The following SPATA17 variants were observed in gnomAD, a reference collection of about 807,000 sequenced individuals.
The protein encoded by SPATA17 is spermatogenesis associated 17.
SPATA17 carries 53 observed loss-of-function variants against 62.2 expected under a neutral mutation model. The observed-to-expected ratio is 0.85, with a 90% CI of 0.68 to 1.07. The LOEUF (loss-of-function observed/expected upper bound fraction) is 1.07, where lower values mean the gene tolerates loss of function less well. Among genes scored for constraint, SPATA17 ranks in the 50% least tolerant of loss-of-function variants. SPATA17 has a pLI of 0.00. For missense variants in SPATA17, 466 were observed against 425.5 expected (o/e 1.10, Z -0.84); for synonymous variants, 146 against 146.8 (o/e 0.99, Z 0.04).
chr1:217,639,095 T>C (rs1670000802), intron 1 of SPATA17, among the ~76,000 whole-genome samples: 1 of 152,096 alleles, frequency 6.6e-6, no homozygotes, highest in Non-Finnish European at 1.5e-5. Flanking sequence ...TGGCTTAGAA[T>C]AGAAAGGATT....
intron 9 of SPATA17, among the ~76,000 whole-genome samples, chr1:217,855,019 C>A (rs1675749044): frequency 6.6e-6 from 1 of 152,190 alleles, no homozygotes; most frequent in African/African-American, 2.4e-5. Flanking sequence ...CCTTCTTGAG[C>A]ATTTTCTTGC....
chr1:217,740,241 A>G (rs956748473), intron 5 of SPATA17, among the ~76,000 whole-genome samples: 10 of 151,568 alleles, frequency 6.6e-5, no homozygotes, highest in African/African-American at 2.4e-4. Context: ...TTTTATTTTT[A>G]TGATTGCTTA....
At chr1:217,864,770 C>CA (rs569381243) in intron 10 of SPATA17, among the ~76,000 whole-genome samples, 49 of 152,096 alleles carry the variant, frequency 3.2e-4, no homozygotes, top group African/African-American at 1.1e-3. Context: ...CTATCAATTA[C>CA]AAAAACATCT....
At chr1:217,792,683 A>G (rs1361422985) in intron 8 of SPATA17, among the ~76,000 whole-genome samples, 1 of 152,202 alleles carries the variant, frequency 6.6e-6, no homozygotes, top group Non-Finnish European at 1.5e-5. Flanking sequence ...TTGGAACAAA[A>G]TAGACAATAA....
chr1:217,748,095 A>G (rs142931276), intron 6 of SPATA17, among the ~76,000 whole-genome samples: 4,684 of 151,774 alleles, frequency 0.031, 104 homozygotes, highest in Middle Eastern at 0.058. Flanking sequence ...CGAGGTCAGG[A>G]AATCGAGATA....
intron 1 of SPATA17, among the ~76,000 whole-genome samples, chr1:217,645,747 G>T (rs895113124): frequency 6.6e-6 from 1 of 152,032 alleles, no homozygotes; most frequent in African/African-American, 2.4e-5. Context: ...GGCCATTAAT[G>T]ACAGTGTCTT....
chr1:217,786,750 T>TTTCTTCTTCTTCTTCTTCTTCTTC (rs35648538), intron 8 of SPATA17, among the ~76,000 whole-genome samples: 1,939 of 107,362 alleles, frequency 0.018, 73 homozygotes, highest in East Asian at 0.022. Context: ...TGATATTCTC[T>TTTCTTCTTCTTCTTCTTCTTCTTC]TTCTTCTTCT....
intron 5 of SPATA17, among the ~76,000 whole-genome samples, chr1:217,724,682 GTTTC>G (rs1179219620): frequency 6.6e-6 from 1 of 151,922 alleles, no homozygotes; most frequent in African/African-American, 2.4e-5. Context: ...AAAAATTCCT[GTTTC>G]TTTATACTTT....
chr1:217,713,089 G>A (rs918590629), intron 5 of SPATA17, among the ~76,000 whole-genome samples: 5 of 152,082 alleles, frequency 3.3e-5, no homozygotes, highest in Admixed American at 6.5e-5. Context: ...AACCAGCCAC[G>A]GTGATACAAT....
intron 4 of SPATA17, among the ~76,000 whole-genome samples, chr1:217,682,499 T>C (rs1187672530): frequency 1.3e-5 from 2 of 152,218 alleles, no homozygotes; most frequent in African/African-American, 2.4e-5. Flanking sequence ...ATCACAGTTC[T>C]CTTTGTTCCC....
chr1:217,781,900 T>C (rs1673735109), intron 7 of SPATA17, among the ~76,000 whole-genome samples: 1 of 152,138 alleles, frequency 6.6e-6, no homozygotes, highest in Non-Finnish European at 1.5e-5. Context: ...TATAACAAGT[T>C]TATCAGTTAT....
At chr1:217,655,780 C>T (rs1418787378) in intron 3 of SPATA17, among the ~76,000 whole-genome samples, 9 of 152,188 alleles carry the variant, frequency 5.9e-5, no homozygotes, top group African/African-American at 9.6e-5. Flanking sequence ...AATAGTCCTT[C>T]GTTTTCTCAC....
intron 3 of SPATA17, among the ~76,000 whole-genome samples, chr1:217,663,632 G>T (rs933704160): frequency 3.9e-5 from 6 of 152,046 alleles, no homozygotes; most frequent in African/African-American, 1.4e-4. Context: ...CATCAGATCT[G>T]TTATCCATTG....
intron 6 of SPATA17, among the ~76,000 whole-genome samples, chr1:217,770,263 A>C (rs1319381270): frequency 2.6e-5 from 4 of 152,224 alleles, no homozygotes; most frequent in African/African-American, 9.6e-5. Flanking sequence ...ATCAAGAGGC[A>C]AGAAAATAGT....
chr1:217,776,676 TAAAAA>T (rs59177848), intron 7 of SPATA17, among the ~76,000 whole-genome samples: 8 of 119,146 alleles, frequency 6.7e-5, no homozygotes, highest in Non-Finnish European at 1.4e-4. Flanking sequence ...CTGTCTCTAT[TAAAAA>T]AAAAAAAAAA....
At chr1:217,683,417 G>A in intron 5 of SPATA17, 56 bp downstream of exon 5, 1 of 1,113,074 alleles carries the variant, frequency 9.0e-7, no homozygotes, top group Non-Finnish European at 1.4e-6. Flanking sequence ...TTACTCAATA[G>A]ATGTTGATCA....
chr1:217,723,441 C>G (rs1422545322), intron 5 of SPATA17, among the ~76,000 whole-genome samples: 1 of 152,196 alleles, frequency 6.6e-6, no homozygotes, highest in African/African-American at 2.4e-5. Flanking sequence ...AATCATCCCA[C>G]CCAACCTATA....
chr1:217,700,736 G>A (rs1224578165), intron 5 of SPATA17, among the ~76,000 whole-genome samples: 5 of 150,128 alleles, frequency 3.3e-5, no homozygotes, highest in Admixed American at 2.7e-4. Flanking sequence ...ACAGGCATGC[G>A]CCGCCATGGC....
intron 3 of SPATA17, among the ~76,000 whole-genome samples, chr1:217,657,212 C>T (rs1225274178): frequency 1.3e-5 from 2 of 152,172 alleles, no homozygotes; most frequent in East Asian, 3.9e-4. Context: ...AAGCTTACCC[C>T]TAGAGTTTTA....
Sources: gnomAD v4.1 joint callset for allele counts (sites outside exome capture counted in the v4.1 genomes callset) on GRCh38, gnomAD v4.1.1 for gene constraint, MANE v1.5 for transcripts, NCBI Gene and HGNC (gene_info 2026-07-23, HGNC 2026-07-21) for gene names.